ADCY3: variants seen among roughly 807,000 people sequenced by gnomAD.
ADCY3 encodes adenylate cyclase type 3.
ADCY3 carries 70 observed loss-of-function variants against 119.4 expected under a neutral mutation model. That is an observed-to-expected ratio of 0.59 (90% confidence interval 0.48 to 0.72). ADCY3 has a LOEUF of 0.72. Ranked by LOEUF, ADCY3 falls within the 30% of genes least tolerant of loss-of-function variation. ADCY3 has a pLI of 0.00. For synonymous variants in ADCY3, 672 were observed against 621.4 expected, an observed-to-expected ratio of 1.08 and a Z score of -1.21; for missense variants, 1,238 against 1,541.6, an observed-to-expected ratio of 0.80 and a Z score of 3.30.
chr2:24,873,999 T>C (rs1675345374), intron 2 of ADCY3, among the ~76,000 whole-genome samples: 1 of 152,220 alleles, frequency 6.6e-6, no homozygotes, highest in Non-Finnish European at 1.5e-5. Flanking sequence ...GTCAATTTTT[T>C]ATTTTTAAAC....
At chr2:24,820,228 C>T (rs72792176) in intron 21 of ADCY3, 114 bp from the exon 22 acceptor site, 54,048 of 1,200,558 alleles carry the variant, frequency 0.045, 1,800 homozygotes, top group East Asian at 0.19. Context: ...CCAAGCAGTA[C>T]GGGACACTCC....
At chr2:24,827,124 T>TA (rs1461264886) in intron 15 of ADCY3, among the ~76,000 whole-genome samples, 2 of 152,206 alleles carry the variant, frequency 1.3e-5, no homozygotes, top group Admixed American at 6.5e-5. Flanking sequence ...CATGGAATCA[T>TA]AAAATTTTAA....
At chr2:24,888,405 G>A (rs1677310058) in intron 2 of ADCY3, among the ~76,000 whole-genome samples, 1 of 152,222 alleles carries the variant, frequency 6.6e-6, no homozygotes, top group Non-Finnish European at 1.5e-5. Context: ...GGCAGTGCCA[G>A]CAGCTGCTAG....
At chr2:24,894,525 A>G (rs1295711271) in intron 2 of ADCY3, among the ~76,000 whole-genome samples, 1 of 152,056 alleles carries the variant, frequency 6.6e-6, no homozygotes, top group Non-Finnish European at 1.5e-5. Context: ...ATAACAATAT[A>G]CTTTCATTTC....
In ADCY3 at chr2:24,892,593, G is replaced by C. The variant is rs181746917; in HGVS notation, c.676-19874C>G. Reference sequence around the variant, plus strand: ...GTTTTGTAACAGGTTGTGTGTCTTTGAGAACATTTCAGTGCACTTGAAAAG... The same window carrying C: ...GTTTTGTAACAGGTTGTGTGTCTTTCAGAACATTTCAGTGCACTTGAAAAG... On this transcript the variant is annotated intron_variant, in intron 2 of 21. Transcript: ENST00000679454. 2.0e-5 allele frequency among the ~76,000 whole-genome samples: 3 copies of C among 152,212 alleles called. No individual in the cohort carries two copies. In the East Asian group the frequency reaches 5.8e-4, roughly 29 times the overall value.
At chr2:24,905,434 G>A (rs903522876) in intron 2 of ADCY3, among the ~76,000 whole-genome samples, 1 of 152,120 alleles carries the variant, frequency 6.6e-6, no homozygotes, top group Non-Finnish European at 1.5e-5. Flanking sequence ...GTGCCCAGCC[G>A]TTTTTACATT....
Position 24,842,516 on chromosome 2 carries a change from C to G in ADCY3, c.826-132G>C. On this transcript the variant is annotated intron_variant, in intron 3 of 21. Transcript: ENST00000679454. The surrounding 1 kb of genome is among the most constrained non-coding windows in gnomAD (Gnocchi z 4.9). Reference sequence around the variant, plus strand: ...GAACCATGCTGCCCTCCAGAGAGACCTCACAGATCTGCCTCGGGAGCAGCC... The same window carrying G: ...GAACCATGCTGCCCTCCAGAGAGACGTCACAGATCTGCCTCGGGAGCAGCC... 8.3e-7 allele frequency: 1 copy of G among 1,207,082 alleles called. No individual in the cohort carries two copies. The highest frequency in any genetic ancestry group is 2.6e-5 in the East Asian group (1 of 39,030). 74.8% of individuals were successfully genotyped at this position (1,207,082 alleles called of 1,614,324 possible).
rs755491939 is a variant in ADCY3, at chr2:24,836,944, C to T, written c.1635G>A (p.Ser545=). 2.3e-5 allele frequency: 37 copies of T among 1,613,422 alleles called. No homozygotes were observed. Among genetic ancestry groups the T allele is most frequent in the Middle Eastern group, 1.8e-4 (1 of 5,674 alleles). Residue 545 remains serine (S), a synonymous_variant, in exon 9 of 22, where the codon TCG becomes TCA. Transcript: ENST00000679454. The stretch of plus-strand genomic sequence containing the variant: ...GGGCATCCTGCTCCTCGGGCTTCTC[C>T]GACGTGGACCCACTGCTGTGGGCAC... ...NGSAHSSGST[S]EKPEEQDAQA...
At position 24,878,950 on chromosome 2, in the gene ADCY3, A is replaced by G. The variant is rs774819002; in HGVS notation, c.676-6231T>C. ...CCTCGTCGCCTGGAAAGCAAACTCCATGCAGCCGGGACACGGGTTGTTTCC... is the reference window on the plus strand; with the variant it reads ...CCTCGTCGCCTGGAAAGCAAACTCCGTGCAGCCGGGACACGGGTTGTTTCC... On this transcript the variant is annotated intron_variant, in intron 2 of 21. Transcript: ENST00000679454. The surrounding 1 kb of genome is among the most constrained non-coding windows in gnomAD (Gnocchi z 4.0). Among the ~76,000 whole-genome samples, 14 of 152,132 alleles carry G rather than the reference A, an allele frequency of 9.2e-5. No individual in the cohort carries two copies. The highest frequency in any genetic ancestry group is 1.5e-4 in the Non-Finnish European group (10 of 68,034).
At position 24,824,488 on chromosome 2, in the gene ADCY3, C is replaced by T. The variant is rs773980429; in HGVS notation, c.2626G>A (p.Asp876Asn). The T allele has an allele frequency of 5.6e-6, 9 of 1,614,090 alleles. No homozygotes were observed. The highest frequency in any genetic ancestry group is 4.4e-5 in the South Asian group (4 of 91,054). ...TLFLWKIEVH[D>N]QKERVYEMRR... ...ATCTCATAGACACGTTCCTTCTGGT[C>T]GTGGACCTCAATCTTCCACAAGAAA... Residue 876 changes from aspartate (D) to asparagine (N), a missense_variant, in exon 17 of 22, where the codon GAC becomes AAC. Transcript: ENST00000679454.
In ADCY3 at chr2:24,821,608, G is replaced by A; in HGVS notation, c.3036C>T (p.His1012=). 2 of 1,614,186 alleles carry A rather than the reference G, an allele frequency of 1.2e-6. No individual in the cohort carries two copies. Among genetic ancestry groups the A allele is most frequent in the Non-Finnish European group, 1.7e-6 (2 of 1,180,036 alleles). The change falls in exon 20 of 22, where the codon CAC becomes CAT. Residue 1012 remains histidine (H), a synonymous_variant. Coordinates refer to ENST00000679454, the MANE Select transcript of ADCY3 (RefSeq NM_004036.5). ...GCGCGAAGTCGGCCAGGTCAGCCAG[G>A]TGCTGCCAGCGCTCTCTCTCGGACT... The part of the protein sequence containing the change: ...EDKSERERWQ[H]LADLADFALA...
chr2:24,824,594 GA>G, intron 16 of ADCY3, 58 bp from the exon 17 acceptor site: 1 of 1,579,524 alleles, frequency 6.3e-7, no homozygotes. Flanking sequence ...ATAGAAGGAT[GA>G]AAAACAGGAA....
chr2:24,849,129 C>T (rs964970064), intron 3 of ADCY3, among the ~76,000 whole-genome samples: 23 of 152,324 alleles, frequency 1.5e-4, no homozygotes, highest in Admixed American at 1.2e-3. Context: ...TGCAGTGGCT[C>T]CTGCAGCCAC....
intron 2 of ADCY3, among the ~76,000 whole-genome samples, chr2:24,879,452 CAAAAAAAAAAA>C (rs34029858): frequency 3.0e-5 from 2 of 66,084 alleles, no homozygotes; most frequent in South Asian, 5.4e-4. Flanking sequence ...GACTCTGTCT[CAAAAAAAAAAA>C]AAAAAAAAAA....
intron 3 of ADCY3, among the ~76,000 whole-genome samples, chr2:24,863,562 T>C (rs10171663): frequency 0.43 from 64,693 of 152,100 alleles, 15,768 homozygotes; most frequent in African/African-American, 0.68. Flanking sequence ...TATCAGTCTT[T>C]TATTTTAGAG....
intron 2 of ADCY3, among the ~76,000 whole-genome samples, chr2:24,874,313 T>G (rs570817391): frequency 1.3e-5 from 2 of 152,218 alleles, no homozygotes; most frequent in South Asian, 4.1e-4. Flanking sequence ...GTTGACCTCT[T>G]GGGTCTGAGC....
chr2:24,904,256 G>A (rs1330656650), intron 2 of ADCY3, among the ~76,000 whole-genome samples: 1 of 152,230 alleles, frequency 6.6e-6, no homozygotes, highest in Non-Finnish European at 1.5e-5. Flanking sequence ...CTAGCCGGGT[G>A]TGGTGGCTCA....
chr2:24,881,006 C>T (rs1047444459), intron 2 of ADCY3, among the ~76,000 whole-genome samples: 3 of 135,896 alleles, frequency 2.2e-5, no homozygotes, highest in African/African-American at 8.8e-5. Flanking sequence ...TAGAGTGAGA[C>T]TCCACCTCAA....
intron 3 of ADCY3, among the ~76,000 whole-genome samples, chr2:24,843,453 G>GGACTCCT (rs1418148141): frequency 6.6e-6 from 1 of 152,172 alleles, no homozygotes; most frequent in Non-Finnish European, 1.5e-5. Context: ...AGCTGGTCTT[G>GGACTCCT]GACTCCTGCG....
Sources: gnomAD v4.1 joint callset for allele counts (sites outside exome capture counted in the v4.1 genomes callset) on GRCh38, gnomAD v4.1.1 for gene constraint, Gnocchi (gnomAD v3.1) non-coding constraint, MANE v1.5 for transcripts, NCBI Gene and HGNC (gene_info 2026-07-23, HGNC 2026-07-21) for gene names.